FAF1: variants seen among roughly 807,000 people sequenced by gnomAD.
FAF1 encodes FAS-associated factor 1.
FAF1 carries 25 observed loss-of-function variants against 92.5 expected under a neutral mutation model. The observed-to-expected ratio is 0.27, with a 90% confidence interval of 0.20 to 0.38. FAF1 has a LOEUF of 0.38. Ranked by LOEUF, FAF1 falls within the 10% of genes least tolerant of loss-of-function variation. The pLI is 1.00. For missense variants in FAF1, 636 were observed against 793.3 expected, an observed-to-expected ratio of 0.80 and a Z score of 2.38; for synonymous variants, 234 against 273.2, an observed-to-expected ratio of 0.86 and a Z score of 1.42.
intron 18 of FAF1, among the ~76,000 whole-genome samples, chr1:50,450,104 G>T (rs746395742): frequency 1.2e-4 from 18 of 149,816 alleles, no homozygotes; most frequent in African/African-American, 1.7e-4. Flanking sequence ...TGAGACAAGA[G>T]AATTGCTTGA....
At chr1:50,864,330 T>C (rs2124673359) in intron 1 of FAF1, among the ~76,000 whole-genome samples, 1 of 151,076 alleles carries the variant, frequency 6.6e-6, no homozygotes, top group Non-Finnish European at 1.5e-5. Context: ...TGCTTTCTCT[T>C]GTGGGCATTT....
At chr1:50,704,983 A>T (rs1459012382) in intron 7 of FAF1, among the ~76,000 whole-genome samples, 1 of 152,260 alleles carries the variant, frequency 6.6e-6, no homozygotes, top group Non-Finnish European at 1.5e-5. Context: ...AAACATTATA[A>T]AATAATCCAA....
rs1052085908 is a variant in FAF1, at chr1:50,630,828, C to CTTT, written c.744+24611_744+24613dup. Among the ~76,000 whole-genome samples, 558 of 102,462 alleles carry CTTT rather than the reference C, an allele frequency of 5.4e-3. 11 individuals are homozygous for CTTT. The highest frequency in any genetic ancestry group is 7.5e-3 in the African/African-American group (201 of 26,630). 67.2% of individuals were successfully genotyped at this position (102,462 alleles called of 152,430 possible). A position where few individuals can be genotyped will look rare whatever the true frequency, so the allele number is the denominator to read the frequency against. On this transcript the variant is annotated intron_variant, in intron 8 of 18. Coordinates refer to ENST00000396153, the MANE Select transcript of FAF1 (RefSeq NM_007051.3). ...AGTTTACATATCTAGTGTATCATAT[C>CTTT]TTTTTTTTTTTTTTTTTTTTTTGAG...
At chr1:50,868,542 A>AG (rs1340608524) in intron 1 of FAF1, among the ~76,000 whole-genome samples, 4 of 152,150 alleles carry the variant, frequency 2.6e-5, no homozygotes, top group African/African-American at 9.7e-5. Context: ...AAGCATTTAT[A>AG]GCTGTAAATT....
intron 4 of FAF1, among the ~76,000 whole-genome samples, chr1:50,765,327 C>A (rs1426161002): frequency 6.6e-6 from 1 of 152,110 alleles, no homozygotes; most frequent in African/African-American, 2.4e-5. Context: ...TTTTATTTTT[C>A]TTCAGAGTCT....
intron 1 of FAF1, among the ~76,000 whole-genome samples, chr1:50,924,849 G>A (rs1171277190): frequency 6.6e-6 from 1 of 152,150 alleles, no homozygotes; most frequent in Non-Finnish European, 1.5e-5. Flanking sequence ...TGGGTGTGGT[G>A]TTGGGCACCT....
At chr1:50,803,692 A>G (rs1662084260) in intron 2 of FAF1, among the ~76,000 whole-genome samples, 1 of 152,170 alleles carries the variant, frequency 6.6e-6, no homozygotes, top group Non-Finnish European at 1.5e-5. Context: ...GAATGAGTGA[A>G]AAGTAGCAAG....
At chr1:50,708,440 G>A (rs1025929024) in intron 6 of FAF1, among the ~76,000 whole-genome samples, 1 of 152,086 alleles carries the variant, frequency 6.6e-6, no homozygotes, top group African/African-American at 2.4e-5. Context: ...AGTGGCAGGT[G>A]AGGTGGAGAA....
intron 1 of FAF1, among the ~76,000 whole-genome samples, chr1:50,860,405 C>T (rs1317184162): frequency 2.0e-5 from 3 of 151,346 alleles, no homozygotes; most frequent in Non-Finnish European, 3.0e-5. Flanking sequence ...AATCAACAAG[C>T]AAAAGACAAG....
intron 6 of FAF1, among the ~76,000 whole-genome samples, chr1:50,735,765 A>C (rs1659112322): frequency 6.6e-6 from 1 of 152,034 alleles, no homozygotes; most frequent in African/African-American, 2.4e-5. Context: ...GCCCAGGCTT[A>C]AAGTACAGTG....
intron 15 of FAF1, among the ~76,000 whole-genome samples, chr1:50,498,350 G>C (rs933371581): frequency 3.3e-5 from 5 of 151,968 alleles, no homozygotes; most frequent in Non-Finnish European, 7.4e-5. Flanking sequence ...CATGGATTAG[G>C]CAATGATTTC....
chr1:50,491,083 T>G (rs1646834047), intron 16 of FAF1, among the ~76,000 whole-genome samples: 1 of 152,212 alleles, frequency 6.6e-6, no homozygotes, highest in African/African-American at 2.4e-5. Context: ...TCCCTCCTAC[T>G]GCTCTTTCTC....
chr1:50,849,108 C>A (rs1026976502), intron 2 of FAF1, among the ~76,000 whole-genome samples: 2 of 151,348 alleles, frequency 1.3e-5, no homozygotes. Flanking sequence ...AATACACACA[C>A]AAAAAAAAAT....
intron 2 of FAF1, among the ~76,000 whole-genome samples, chr1:50,853,712 T>G (rs987417958): frequency 6.6e-6 from 1 of 152,102 alleles, no homozygotes; most frequent in Non-Finnish European, 1.5e-5. Flanking sequence ...TACAGATTAT[T>G]GGAAATTTTA....
At chr1:50,573,549 C>G (rs1198343293) in intron 12 of FAF1, among the ~76,000 whole-genome samples, 1 of 152,112 alleles carries the variant, frequency 6.6e-6, no homozygotes, top group Non-Finnish European at 1.5e-5. Context: ...AGTAAAACAC[C>G]AGAGTGCAGG....
At chr1:50,665,543 G>C (rs183494741) in intron 7 of FAF1, among the ~76,000 whole-genome samples, 1 of 152,314 alleles carries the variant, frequency 6.6e-6, no homozygotes, top group East Asian at 1.9e-4. Flanking sequence ...GAGCCCAGAG[G>C]TCAAATCCAG....
intron 17 of FAF1, among the ~76,000 whole-genome samples, chr1:50,488,824 A>G (rs1460888672): frequency 2.0e-5 from 3 of 152,248 alleles, no homozygotes; most frequent in Non-Finnish European, 4.4e-5. Context: ...AAGCATACGT[A>G]AAGCAGCTAG....
At chr1:50,495,051 G>T (rs972854179) in intron 15 of FAF1, among the ~76,000 whole-genome samples, 1 of 151,976 alleles carries the variant, frequency 6.6e-6, no homozygotes, top group African/African-American at 2.4e-5. Flanking sequence ...GCATGCAATG[G>T]GTATTAATTA....
At chr1:50,688,656 T>C (rs1356762819) in intron 7 of FAF1, among the ~76,000 whole-genome samples, 1 of 151,898 alleles carries the variant, frequency 6.6e-6, no homozygotes, top group Non-Finnish European at 1.5e-5. Flanking sequence ...CTACTAAAAA[T>C]ACAAAATTAG....
Sources: allele counts gnomAD v4.1 joint callset (sites outside exome capture counted in the v4.1 genomes callset), GRCh38; gene constraint gnomAD v4.1.1; transcripts MANE v1.5; gene names NCBI Gene and HGNC (gene_info 2026-07-23, HGNC 2026-07-21).